NTRK3: variants seen among roughly 807,000 people sequenced by gnomAD.
NTRK3 encodes the protein NT-3 growth factor receptor.
A neutral mutation model predicts 91.7 loss-of-function variants in NTRK3; 24 were observed. The observed-to-expected ratio is 0.26, with a 90% CI of 0.19 to 0.37. The LOEUF (loss-of-function observed/expected upper bound fraction) is 0.37, where lower values mean the gene tolerates loss of function less well. Among genes scored for constraint, NTRK3 ranks in the 10% least tolerant of loss-of-function variants. The probability of loss-of-function intolerance (pLI) is 1.00; values close to 1 mark genes in which losing one functional copy is unlikely to be tolerated. For synonymous variants in NTRK3, 483 were observed against 404.0 expected, an observed-to-expected ratio of 1.20 and a Z score of -2.34; for missense variants, 880 against 1,068.9, an observed-to-expected ratio of 0.82 and a Z score of 2.46.
chr15:88,253,712 A>G (rs2053682008), intron 3 of NTRK3, among the ~76,000 whole-genome samples: 2 of 152,140 alleles, frequency 1.3e-5, no homozygotes, highest in South Asian at 2.1e-4. Context: ...TAGAGAAAGG[A>G]GTCCTGATGG....
At chr15:87,916,813 G>C (rs1047254218) in intron 17 of NTRK3, among the ~76,000 whole-genome samples, 8 of 151,722 alleles carry the variant, frequency 5.3e-5, no homozygotes, top group Non-Finnish European at 8.8e-5. Flanking sequence ...TCAGGGTGGA[G>C]TGCGGTGGTG....
At chr15:88,027,170 A>G (rs1326745126) in intron 14 of NTRK3, among the ~76,000 whole-genome samples, 1 of 152,070 alleles carries the variant, frequency 6.6e-6, no homozygotes, top group Non-Finnish European at 1.5e-5. Flanking sequence ...GTCTGAGTTT[A>G]AATCTCAGGC....
At chr15:88,073,937 T>C (rs1193944971) in intron 13 of NTRK3, among the ~76,000 whole-genome samples, 5 of 152,188 alleles carry the variant, frequency 3.3e-5, no homozygotes, top group Admixed American at 6.5e-5. Context: ...TGGTATTATG[T>C]ATTCCAGAAG....
At chr15:87,912,784 A>C (rs144505677) in intron 17 of NTRK3, among the ~76,000 whole-genome samples, 1 of 152,034 alleles carries the variant, frequency 6.6e-6, no homozygotes, top group African/African-American at 2.4e-5. Flanking sequence ...CTCTCATAGA[A>C]TACTTACAAA....
intron 14 of NTRK3, among the ~76,000 whole-genome samples, chr15:87,999,389 C>T (rs1302445913): frequency 6.6e-6 from 1 of 152,164 alleles, no homozygotes; most frequent in African/African-American, 2.4e-5. Flanking sequence ...AAACTTGCCA[C>T]TAATTTTATT....
chr15:88,156,335 A>G (rs2043900585), intron 5 of NTRK3, among the ~76,000 whole-genome samples: 1 of 152,204 alleles, frequency 6.6e-6, no homozygotes, highest in African/African-American at 2.4e-5. Flanking sequence ...GACACAGAGA[A>G]CTGGACTCTT....
At chr15:88,090,578 C>T (rs1233169635) in intron 13 of NTRK3, among the ~76,000 whole-genome samples, 5 of 152,150 alleles carry the variant, frequency 3.3e-5, no homozygotes, top group Non-Finnish European at 7.3e-5. Context: ...GTCATTCCTC[C>T]TCCAGAAATG....
intron 13 of NTRK3, among the ~76,000 whole-genome samples, chr15:88,085,747 C>T (rs1247822732): frequency 1.3e-5 from 2 of 152,216 alleles, no homozygotes; most frequent in Non-Finnish European, 2.9e-5. Context: ...CTAAGACCTG[C>T]GCTGGCCAGT....
intron 17 of NTRK3, among the ~76,000 whole-genome samples, chr15:87,922,337 A>G (rs2067944592): frequency 1.3e-5 from 2 of 152,042 alleles, no homozygotes; most frequent in African/African-American, 2.4e-5. Flanking sequence ...TGATCATAAA[A>G]CTGGAAGGCA....
At chr15:88,146,374 G>C (rs981319294) in intron 6 of NTRK3, among the ~76,000 whole-genome samples, 21 of 152,180 alleles carry the variant, frequency 1.4e-4, no homozygotes, top group Admixed American at 3.9e-4. Flanking sequence ...TCTTGGTAAA[G>C]AGAGTAAAGC....
intron 13 of NTRK3, among the ~76,000 whole-genome samples, chr15:88,096,118 GAACA>G (rs1203487284): frequency 6.6e-6 from 1 of 152,196 alleles, no homozygotes; most frequent in Non-Finnish European, 1.5e-5. Flanking sequence ...TCCTTCCCCA[GAACA>G]AACAGAGGGA....
intron 14 of NTRK3, among the ~76,000 whole-genome samples, chr15:88,027,456 C>A (rs1263017687): frequency 1.3e-5 from 2 of 152,170 alleles, no homozygotes; most frequent in African/African-American, 4.8e-5. Flanking sequence ...AACCTCGGCT[C>A]ACTGCAAGCT....
At chr15:88,024,473 T>A (rs1260718911) in intron 14 of NTRK3, among the ~76,000 whole-genome samples, 1 of 151,190 alleles carries the variant, frequency 6.6e-6, no homozygotes, top group East Asian at 1.9e-4. Flanking sequence ...ACTGAAGGAG[T>A]AAAAGAGAAA....
chr15:88,144,764 A>G (rs765204690), intron 6 of NTRK3, among the ~76,000 whole-genome samples: 14 of 152,286 alleles, frequency 9.2e-5, no homozygotes, highest in Middle Eastern at 6.8e-3. Context: ...CCTCACACAC[A>G]TTAGATGCTC....
chr15:87,987,878 AAAT>A (rs146817523), intron 14 of NTRK3, among the ~76,000 whole-genome samples: 19 of 150,796 alleles, frequency 1.3e-4, no homozygotes, highest in African/African-American at 2.9e-4. Context: ...ATCTGTCTCA[AAAT>A]AATAATAATA....
intron 3 of NTRK3, among the ~76,000 whole-genome samples, chr15:88,231,836 T>C (rs2051211604): frequency 6.6e-6 from 1 of 152,116 alleles, no homozygotes; most frequent in Admixed American, 6.5e-5. Flanking sequence ...GTAGGGGGGA[T>C]TTTTTCCTGG....
chr15:88,044,417 T>C (rs1401292438), intron 13 of NTRK3, among the ~76,000 whole-genome samples: 2 of 151,756 alleles, frequency 1.3e-5, no homozygotes, highest in African/African-American at 2.4e-5. Context: ...CCTGCCACCA[T>C]ACCCGGCTAA....
rs80000009 is a variant in NTRK3 at position 88,189,292 on chromosome 15, C to G, written c.249-4993G>C. Among the ~76,000 whole-genome samples the G allele has an allele frequency of 4.2e-3, 635 of 152,306 alleles. 5 individuals are homozygous for G. Among genetic ancestry groups the G allele is most frequent in the African/African-American group, 0.014 (586 of 41,560 alleles). ...AACAGCAACACCAGGTCCCAGAGAC[C>G]TAGGACCACAGATAGCTGCTTCATA... On this transcript the variant is annotated intron_variant, in intron 3 of 18. Coordinates refer to ENST00000394480, the Ensembl canonical transcript of NTRK3.
At position 87,953,382 on chromosome 15, in the gene NTRK3, C is replaced by T. The variant is rs190061707; in HGVS notation, c.1586-12629G>A. ...ATGGATGGTGCTTTGGACCAGAAGACGATTCTTTATCGTTTTCCTGGTACT... is the reference window on the plus strand; with the variant it reads ...ATGGATGGTGCTTTGGACCAGAAGATGATTCTTTATCGTTTTCCTGGTACT... On this transcript the variant is annotated intron_variant, in intron 14 of 18. Coordinates refer to ENST00000394480, the Ensembl canonical transcript of NTRK3. Among the ~76,000 whole-genome samples, 122 of 152,256 alleles carry T rather than the reference C, an allele frequency of 8.0e-4. 1 individual carries two copies. The highest frequency in any genetic ancestry group is 1.0e-3 in the Non-Finnish European group (70 of 68,022).
Sources: gnomAD v4.1 joint callset for allele counts (sites outside exome capture counted in the v4.1 genomes callset) on GRCh38, gnomAD v4.1.1 for gene constraint, MANE v1.5 for transcripts, NCBI Gene and HGNC (gene_info 2026-07-23, HGNC 2026-07-21) for gene names.